DSCAM: variants seen among roughly 807,000 people sequenced by gnomAD.
DSCAM encodes DS cell adhesion molecule, also known as cell adhesion molecule DSCAM.
Under a neutral mutation model 217.7 loss-of-function variants are expected in DSCAM, and 47 were observed. The ratio of observed to expected loss-of-function variants is 0.22; its 90% CI spans 0.17 to 0.28. The LOEUF is 0.28. Ranked by LOEUF, DSCAM falls within the 10% of genes least tolerant of loss-of-function variation. The pLI, the probability that DSCAM is intolerant of heterozygous loss-of-function variation, is 1.00. For synonymous variants in DSCAM, 1,056 were observed against 1,015.3 expected (o/e 1.04, Z -0.76); for missense variants, 2,080 against 2,618.3 (o/e 0.79, Z 4.49).
intron 3 of DSCAM, among the ~76,000 whole-genome samples, chr21:40,480,010 T>C (rs2075968933): frequency 6.6e-6 from 1 of 152,154 alleles, no homozygotes; most frequent in South Asian, 2.1e-4. Context: ...ATTTATTTAA[T>C]TAAACAAAAC....
intron 1 of DSCAM, among the ~76,000 whole-genome samples, chr21:40,846,091 C>A (rs1020593018): frequency 1.3e-5 from 2 of 151,890 alleles, no homozygotes; most frequent in African/African-American, 4.8e-5. Flanking sequence ...CATGAAGCAG[C>A]ACGGGGTGCA....
intron 1 of DSCAM, among the ~76,000 whole-genome samples, chr21:40,773,426 C>T (rs529965024): frequency 2.6e-5 from 4 of 152,294 alleles, no homozygotes; most frequent in African/African-American, 9.6e-5. Flanking sequence ...GTCTTCATGT[C>T]TAAATTTCCA....
chr21:40,419,426 A>C (rs375322121), intron 3 of DSCAM, among the ~76,000 whole-genome samples: 1 of 152,216 alleles, frequency 6.6e-6, no homozygotes, highest in African/African-American at 2.4e-5. Context: ...GGGGTAAAGA[A>C]AGTTTTCTAA....
chr21:40,376,467 T>A (rs2123714955), intron 3 of DSCAM, among the ~76,000 whole-genome samples: 1 of 135,494 alleles, frequency 7.4e-6, no homozygotes, highest in African/African-American at 2.8e-5. Flanking sequence ...ATATCTTATA[T>A]AGATATCTAT....
At chr21:40,782,605 C>G (rs1375455103) in intron 1 of DSCAM, among the ~76,000 whole-genome samples, 1 of 152,080 alleles carries the variant, frequency 6.6e-6, no homozygotes, top group Non-Finnish European at 1.5e-5. Context: ...TGGCATGCAC[C>G]TGTAGACTCA....
intron 2 of DSCAM, among the ~76,000 whole-genome samples, chr21:40,707,215 G>A (rs1005792091): frequency 3.9e-5 from 6 of 152,182 alleles, no homozygotes; most frequent in African/African-American, 1.2e-4. Flanking sequence ...TTATAAATAC[G>A]CTTTTATAAC....
Position 40,307,325 on chromosome 21 carries a change from T to G in DSCAM, c.2062+4756A>C, listed in dbSNP as rs1226312648. Among the ~76,000 whole-genome samples the G allele has an allele frequency of 4.0e-5, 6 of 151,284 alleles. No homozygotes were observed. In the South Asian group the frequency reaches 1.2e-3, roughly 32 times the overall value. On this transcript the variant is annotated intron_variant, in intron 9 of 32. Coordinates refer to ENST00000400454, the MANE Select transcript of DSCAM (RefSeq NM_001389.5). ...GACATTTATGCAGCCAAAAAACACATGAAAAAATGCTCACCGTCACTGGCC... is the reference window on the plus strand; with the variant it reads ...GACATTTATGCAGCCAAAAAACACAGGAAAAAATGCTCACCGTCACTGGCC...
intron 3 of DSCAM, among the ~76,000 whole-genome samples, chr21:40,390,040 T>C (rs1460351628): frequency 6.6e-6 from 1 of 152,168 alleles, no homozygotes; most frequent in Non-Finnish European, 1.5e-5. Flanking sequence ...CACCCCACCC[T>C]GTCCCTTTCA....
chr21:40,533,987 T>C (rs1282415063), intron 3 of DSCAM, among the ~76,000 whole-genome samples: 1 of 152,216 alleles, frequency 6.6e-6, no homozygotes, highest in African/African-American at 2.4e-5. Context: ...CATTTTAAAA[T>C]GGCCACATAT....
chr21:40,766,035 T>G (rs1462309974), intron 1 of DSCAM, among the ~76,000 whole-genome samples: 1 of 152,246 alleles, frequency 6.6e-6, no homozygotes, highest in Non-Finnish European at 1.5e-5. Flanking sequence ...TCGTGACAGC[T>G]GGCAAGCCAG....
chr21:40,139,777 ATG>A (rs2090266011), intron 18 of DSCAM, among the ~76,000 whole-genome samples: 1 of 146,804 alleles, frequency 6.8e-6, no homozygotes, highest in African/African-American at 2.5e-5. Flanking sequence ...TATATGAGGG[ATG>A]TGTGTGTGGT....
At chr21:40,197,122 C>G (rs1420544960) in intron 11 of DSCAM, among the ~76,000 whole-genome samples, 2 of 144,900 alleles carry the variant, frequency 1.4e-5, no homozygotes, top group East Asian at 1.9e-4. Flanking sequence ...TTCTTTCTTT[C>G]TTTTTTTCTT....
At chr21:40,231,067 G>C (rs2091377578) in intron 11 of DSCAM, among the ~76,000 whole-genome samples, 1 of 151,484 alleles carries the variant, frequency 6.6e-6, no homozygotes, top group East Asian at 1.9e-4. Context: ...GGCTGGAGTG[G>C]GAAGGAATTT....
chr21:40,214,753 C>CAAAAAAAAAAAAAAAAAAA (rs2091225663), intron 11 of DSCAM, among the ~76,000 whole-genome samples: 1 of 120,218 alleles, frequency 8.3e-6, no homozygotes, highest in African/African-American at 3.2e-5. Flanking sequence ...AAAAAAAAAA[C>CAAAAAAAAAAAAAAAAAAA]AAAACAAAAA....
Position 40,740,251 on chromosome 21 carries a change from C to T in DSCAM, c.44-31480G>A, listed in dbSNP as rs563194870. On this transcript the variant is annotated intron_variant, in intron 1 of 32. Transcript: ENST00000400454. ...GTTTCAAATACAGTTAGCTTTGAGC[C>T]GTGCCAATCCAAGCATGGCAGGTTT... Among the ~76,000 whole-genome samples the T allele has an allele frequency of 1.4e-4, 22 of 152,196 alleles. No homozygotes were observed. In the South Asian group the frequency reaches 3.3e-3, roughly 23 times the overall value.
intron 32 of DSCAM, among the ~76,000 whole-genome samples, chr21:40,041,664 C>T (rs1343777917): frequency 1.3e-5 from 2 of 152,194 alleles, no homozygotes; most frequent in Non-Finnish European, 2.9e-5. Flanking sequence ...GCAGCTTTCA[C>T]AACCCGGACG....
intron 1 of DSCAM, among the ~76,000 whole-genome samples, chr21:40,770,832 C>T (rs1452200192): frequency 6.6e-6 from 1 of 152,142 alleles, no homozygotes; most frequent in Non-Finnish European, 1.5e-5. Flanking sequence ...ATAGTCATAA[C>T]CTAGCTAGGA....
At chr21:40,650,962 C>A (rs1002000153) in intron 3 of DSCAM, among the ~76,000 whole-genome samples, 2 of 152,098 alleles carry the variant, frequency 1.3e-5, no homozygotes, top group African/African-American at 4.8e-5. Context: ...GTGGGTCAGG[C>A]AGGAGCTTGG....
chr21:40,169,722 A>T (rs2090635357), intron 15 of DSCAM, among the ~76,000 whole-genome samples: 1 of 152,136 alleles, frequency 6.6e-6, no homozygotes, highest in African/African-American at 2.4e-5. Flanking sequence ...TATAATTAAA[A>T]CAAAGGTGTT....
Sources: allele counts gnomAD v4.1 joint callset (sites outside exome capture counted in the v4.1 genomes callset), GRCh38; gene constraint gnomAD v4.1.1; transcripts MANE v1.5; gene names NCBI Gene and HGNC (gene_info 2026-07-23, HGNC 2026-07-21).